PRELID2: variants seen among roughly 807,000 people sequenced by gnomAD.
PRELID2 encodes the protein PRELI domain containing 2, also known as PRELI domain-containing protein 2.
In PRELID2, 25 loss-of-function variants were observed where a neutral mutation model predicts 28.4. The observed-to-expected ratio is 0.88, with a 90% CI of 0.64 to 1.23. The LOEUF (loss-of-function observed/expected upper bound fraction) is 1.23, where lower values mean the gene tolerates loss of function less well. Ranked by LOEUF, PRELID2 falls within the 50% of genes most tolerant of loss-of-function variation. The pLI, the probability that PRELID2 is intolerant of heterozygous loss-of-function variation, is 0.00. For synonymous variants in PRELID2, 76 were observed against 71.6 expected, an observed-to-expected ratio of 1.06 and a Z score of -0.31; for missense variants, 201 against 214.4, an observed-to-expected ratio of 0.94 and a Z score of 0.39.
chr5:145,394,504 G>A, the PRELID2 span, among the ~76,000 whole-genome samples: 1 of 151,932 alleles, frequency 6.6e-6, no homozygotes, highest in Non-Finnish European at 1.5e-5. Flanking sequence ...AATGGGTGCA[G>A]CACACCAACA....
chr5:145,418,314 C>G, the PRELID2 span, among the ~76,000 whole-genome samples: 1 of 152,034 alleles, frequency 6.6e-6, no homozygotes, highest in East Asian at 1.9e-4. Context: ...CCATCCAGTA[C>G]AAAGTAATTT....
the PRELID2 span, among the ~76,000 whole-genome samples, chr5:145,419,242 C>A: frequency 1.4e-5 from 2 of 145,810 alleles, no homozygotes; most frequent in Non-Finnish European, 3.0e-5. Context: ...TGGGTATATA[C>A]CCAGTAATGG....
intron 1 of PRELID2, chr5:145,729,194 C>A (rs1287105716): frequency 1.8e-5 from 13 of 719,164 alleles, no homozygotes; most frequent in Non-Finnish European, 2.9e-5. Context: ...CAGTGATGCT[C>A]TGGGTTTCGG....
chr5:145,354,425 G>C, the PRELID2 span, among the ~76,000 whole-genome samples: 1 of 152,132 alleles, frequency 6.6e-6, no homozygotes, highest in South Asian at 2.1e-4. Flanking sequence ...ATCCATAGAA[G>C]ATGGGAAAAG....
chr5:145,775,009 G>A (rs1758326024), intron 5 of PRELID2, among the ~76,000 whole-genome samples: 2 of 152,184 alleles, frequency 1.3e-5, no homozygotes, highest in Non-Finnish European at 2.9e-5. Context: ...GGAGGCTGAG[G>A]TGGGTGGATC....
chr5:145,367,357 A>G, the PRELID2 span, among the ~76,000 whole-genome samples: 29 of 151,926 alleles, frequency 1.9e-4, no homozygotes, highest in African/African-American at 6.5e-4. Flanking sequence ...AAGATTTCTA[A>G]TATACTCACT....
chr5:145,462,777 T>A, the PRELID2 span, among the ~76,000 whole-genome samples: 1 of 152,246 alleles, frequency 6.6e-6, no homozygotes, highest in African/African-American at 2.4e-5. Context: ...ACACTCTCCA[T>A]ACGGTTACTC....
the PRELID2 span, among the ~76,000 whole-genome samples, chr5:145,243,647 C>T: frequency 6.6e-6 from 1 of 151,902 alleles, no homozygotes; most frequent in Admixed American, 6.6e-5. Context: ...TCATTGAGTG[C>T]CAAGGGCCTG....
At chr5:145,237,256 A>G in the PRELID2 span, among the ~76,000 whole-genome samples, 1 of 152,150 alleles carries the variant, frequency 6.6e-6, no homozygotes, top group Non-Finnish European at 1.5e-5. Flanking sequence ...TCACCAAGAC[A>G]GTGTGGTTAT....
chr5:145,598,466 T>C (rs1287858628), intron 1 of PRELID2, among the ~76,000 whole-genome samples: 1 of 152,132 alleles, frequency 6.6e-6, no homozygotes, highest in Admixed American at 6.6e-5. Flanking sequence ...CAGATGATGT[T>C]GCCATAACAA....
chr5:145,754,560 T>C (rs1215468114), downstream of PRELID2, among the ~76,000 whole-genome samples: 2 of 152,324 alleles, frequency 1.3e-5, no homozygotes, highest in East Asian at 3.9e-4. Flanking sequence ...TAAGTTGTTA[T>C]AATATGTCTA....
chr5:145,733,447 TATCTTA>T (rs1756405585), intron 1 of PRELID2, among the ~76,000 whole-genome samples: 2 of 152,208 alleles, frequency 1.3e-5, no homozygotes, highest in African/African-American at 4.8e-5. Context: ...TGAATAATTT[TATCTTA>T]AAGTGGAAAA....
At chr5:145,597,001 G>T (rs1352652256) in intron 1 of PRELID2, among the ~76,000 whole-genome samples, 1 of 152,082 alleles carries the variant, frequency 6.6e-6, no homozygotes, top group Non-Finnish European at 1.5e-5. Context: ...CAAATTAGGG[G>T]CTCCATATGG....
intron 1 of PRELID2, among the ~76,000 whole-genome samples, chr5:145,595,212 C>A (rs943540059): frequency 1.4e-4 from 18 of 128,864 alleles, no homozygotes; most frequent in African/African-American, 5.1e-4. Flanking sequence ...TAGTTCAAAG[C>A]CAGAGTCAAT....
At chr5:145,772,350 A>G (rs1163455993) in intron 5 of PRELID2, among the ~76,000 whole-genome samples, 1 of 152,190 alleles carries the variant, frequency 6.6e-6, no homozygotes, top group East Asian at 1.9e-4. Flanking sequence ...TTTAAATGAG[A>G]ATGCAAAAGT....
At chr5:145,480,796 A>T (rs1752151987) in intron 1 of PRELID2, among the ~76,000 whole-genome samples, 1 of 152,224 alleles carries the variant, frequency 6.6e-6, no homozygotes, top group Non-Finnish European at 1.5e-5. Flanking sequence ...TTCTGATTTC[A>T]ACTTGATTTT....
chr5:145,455,879 A>C, the PRELID2 span, among the ~76,000 whole-genome samples: 84 of 152,226 alleles, frequency 5.5e-4, 2 homozygotes, highest in African/African-American at 2.0e-3. Context: ...CCACTGTCTA[A>C]CCAGTCCCAG....
In PRELID2 at chr5:145,625,633, G is replaced by T. The variant is rs148272100; in HGVS notation, n.70+139298C>A. 1.3e-3 allele frequency among the ~76,000 whole-genome samples: 194 copies of T among 152,230 alleles called. 2 individuals carry two copies. The highest frequency in any genetic ancestry group is 4.6e-3 in the African/African-American group (190 of 41,558). Reference sequence around the variant, plus strand: ...TGGAGAAAACATAATGTATGTAACTGTAATTCTCTTGCTTGGTTAAGCAAA... The same window carrying T: ...TGGAGAAAACATAATGTATGTAACTTTAATTCTCTTGCTTGGTTAAGCAAA... On this transcript the variant is annotated intron_variant and non_coding_transcript_variant, in intron 1 of 2. Transcript: ENST00000510259.
At chr5:145,462,304 T>A in the PRELID2 span, among the ~76,000 whole-genome samples, 3 of 152,096 alleles carry the variant, frequency 2.0e-5, no homozygotes, top group Non-Finnish European at 2.9e-5. Flanking sequence ...AAAGAAAACT[T>A]CCCAAATACA....
Sources: gnomAD v4.1 joint callset for allele counts (sites outside exome capture counted in the v4.1 genomes callset) on GRCh38, gnomAD v4.1.1 for gene constraint, MANE v1.5 for transcripts, NCBI Gene and HGNC (gene_info 2026-07-23, HGNC 2026-07-21) for gene names.